Variants in FGF12 observed in about 807,000 individuals in gnomAD.
The protein encoded by FGF12 is fibroblast growth factor 12B.
A neutral mutation model predicts 23.6 loss-of-function variants in FGF12; 14 were observed. The ratio of observed to expected loss-of-function variants is 0.59; its 90% CI spans 0.39 to 0.93. The LOEUF (loss-of-function observed/expected upper bound fraction) is 0.93, where lower values mean the gene tolerates loss of function less well. FGF12 is among the 40% of genes least tolerant of loss of function. The pLI, the probability that FGF12 is intolerant of heterozygous loss-of-function variation, is 0.00. For missense variants in FGF12, 175 were observed against 217.8 expected (o/e 0.80, Z 1.24); for synonymous variants, 62 against 77.3 (o/e 0.80, Z 1.04).
chr3:192,175,796 C>A (rs1402163676), intron 4 of FGF12, among the ~76,000 whole-genome samples: 1 of 152,152 alleles, frequency 6.6e-6, no homozygotes, highest in Admixed American at 6.5e-5. Flanking sequence ...CTCTCCCCAT[C>A]CCATGGGATT....
At chr3:192,619,108 T>C (rs956695878) in intron 2 of FGF12, among the ~76,000 whole-genome samples, 4 of 152,114 alleles carry the variant, frequency 2.6e-5, no homozygotes, top group South Asian at 2.1e-4. Flanking sequence ...AATTTACATA[T>C]ACATATTTTT....
chr3:192,689,767 A>T (rs985277445), intron 2 of FGF12, among the ~76,000 whole-genome samples: 2 of 152,022 alleles, frequency 1.3e-5, no homozygotes, highest in Non-Finnish European at 2.9e-5. Context: ...ATGGCTAAAA[A>T]CTTCCCACCT....
At chr3:192,261,483 A>T (rs1712748160) in intron 4 of FGF12, among the ~76,000 whole-genome samples, 1 of 152,156 alleles carries the variant, frequency 6.6e-6, no homozygotes, top group South Asian at 2.1e-4. Flanking sequence ...TTGATTACAC[A>T]AGCTTTTAAG....
intron 2 of FGF12, among the ~76,000 whole-genome samples, chr3:192,411,785 A>AG (rs1183068404): frequency 6.6e-6 from 1 of 152,184 alleles, no homozygotes; most frequent in African/African-American, 2.4e-5. Context: ...CCAGAGAAAT[A>AG]GGCAAGAGGG....
In FGF12 at chr3:192,200,363, G is replaced by A. The variant is rs533802240; in HGVS notation, c.229-29707C>T. Among the ~76,000 whole-genome samples, 114 of 151,690 alleles carry A rather than the reference G, an allele frequency of 7.5e-4. 1 individual carries two copies. Among genetic ancestry groups the A allele is most frequent in the Non-Finnish European group, 8.5e-4 (58 of 67,960 alleles). On this transcript the variant is annotated intron_variant, in intron 4 of 5. Transcript: ENST00000445105. ...AGGCAATAGAAATTATTCATGTTTGGGAACATGAAGATATTAAAATCATAA... is the reference window on the plus strand; with the variant it reads ...AGGCAATAGAAATTATTCATGTTTGAGAACATGAAGATATTAAAATCATAA...
At chr3:192,657,221 C>T (rs1716462515) in intron 2 of FGF12, among the ~76,000 whole-genome samples, 1 of 151,800 alleles carries the variant, frequency 6.6e-6, no homozygotes, top group African/African-American at 2.4e-5. Context: ...ATAATTTAAT[C>T]TTCCCTTAAC....
At chr3:192,195,339 C>T (rs1717010863) in intron 4 of FGF12, among the ~76,000 whole-genome samples, 1 of 152,120 alleles carries the variant, frequency 6.6e-6, no homozygotes, top group Admixed American at 6.6e-5. Flanking sequence ...TTATCGTGTA[C>T]AACATGATGT....
intron 4 of FGF12, among the ~76,000 whole-genome samples, chr3:192,274,453 A>C (rs937424891): frequency 2.0e-5 from 3 of 152,220 alleles, no homozygotes; most frequent in Non-Finnish European, 4.4e-5. Context: ...AACACACTTG[A>C]GAGAAGATAC....
chr3:192,565,534 CA>C (rs2108598008), intron 2 of FGF12, among the ~76,000 whole-genome samples: 1 of 152,280 alleles, frequency 6.6e-6, no homozygotes, highest in African/African-American at 2.4e-5. Context: ...TTTAGATACA[CA>C]AATACAGTTG....
chr3:192,194,787 T>A (rs1216566754), intron 4 of FGF12, among the ~76,000 whole-genome samples: 1 of 152,204 alleles, frequency 6.6e-6, no homozygotes, highest in African/African-American at 2.4e-5. Context: ...TACGCTTTTT[T>A]AGTAAGGAAT....
At chr3:192,668,063 C>T (rs1342256267) in intron 2 of FGF12, among the ~76,000 whole-genome samples, 1 of 151,778 alleles carries the variant, frequency 6.6e-6, no homozygotes, top group Non-Finnish European at 1.5e-5. Flanking sequence ...CCTTAAATGT[C>T]CAAGAATGGA....
intron 2 of FGF12, among the ~76,000 whole-genome samples, chr3:192,638,259 T>C (rs1201509321): frequency 6.6e-6 from 1 of 152,246 alleles, no homozygotes; most frequent in Non-Finnish European, 1.5e-5. Flanking sequence ...ATACAACTTA[T>C]TGTTCTTCCT....
chr3:192,251,585 C>A (rs367828090), intron 4 of FGF12, among the ~76,000 whole-genome samples: 1 of 151,716 alleles, frequency 6.6e-6, no homozygotes, highest in Non-Finnish European at 1.5e-5. Flanking sequence ...TGAAAATAAC[C>A]CAAATGTCTA....
At chr3:192,171,877 T>C (rs1715583783) in intron 4 of FGF12, among the ~76,000 whole-genome samples, 1 of 140,114 alleles carries the variant, frequency 7.1e-6, no homozygotes, top group South Asian at 2.2e-4. Context: ...TAGAGAGTGC[T>C]CTCTCTCTCT....
At chr3:192,561,564 G>A (rs182531265) in intron 2 of FGF12, among the ~76,000 whole-genome samples, 100 of 152,104 alleles carry the variant, frequency 6.6e-4, no homozygotes, top group East Asian at 1.9e-3. Context: ...GGGTTTCACC[G>A]TGTTAGCCAG....
intron 2 of FGF12, among the ~76,000 whole-genome samples, chr3:192,567,797 CTTTCT>C (rs1325631928): frequency 7.5e-6 from 1 of 134,202 alleles, no homozygotes; most frequent in Non-Finnish European, 1.6e-5. Context: ...TTCTTTCTTT[CTTTCT>C]CTTTCTTTCT....
intron 2 of FGF12, among the ~76,000 whole-genome samples, chr3:192,395,999 G>A (rs912850935): frequency 1.3e-5 from 2 of 152,174 alleles, no homozygotes; most frequent in Non-Finnish European, 2.9e-5. Context: ...TGTGGGGAAG[G>A]GTGGAGAAAG....
intron 2 of FGF12, among the ~76,000 whole-genome samples, chr3:192,639,562 T>A (rs1235479437): frequency 6.6e-6 from 1 of 152,178 alleles, no homozygotes; most frequent in Admixed American, 6.5e-5. Context: ...GTGTCCATCA[T>A]CAACAAATAG....
chr3:192,611,902 A>G (rs1177670896), intron 2 of FGF12, among the ~76,000 whole-genome samples: 1 of 152,018 alleles, frequency 6.6e-6, no homozygotes. Context: ...GAAATTATTC[A>G]TTCTCCATTT....
Sources: gnomAD v4.1 joint callset for allele counts (sites outside exome capture counted in the v4.1 genomes callset) on GRCh38, gnomAD v4.1.1 for gene constraint, MANE v1.5 for transcripts, NCBI Gene and HGNC (gene_info 2026-07-23, HGNC 2026-07-21) for gene names.